Variants in CD300C observed in about 807,000 individuals in gnomAD.
CD300C encodes CD300c molecule, also known as CMRF35-like molecule 6.
CD300C carries 11 observed loss-of-function variants against 18.4 expected under a neutral mutation model. That is an observed-to-expected ratio of 0.60 (90% CI 0.38 to 0.99). The LOEUF (loss-of-function observed/expected upper bound fraction) is 0.99, where lower values mean the gene tolerates loss of function less well. Among genes scored for constraint, CD300C ranks in the 50% least tolerant of loss-of-function variants. The pLI is 0.01. For synonymous variants in CD300C, 116 were observed against 116.3 expected (o/e 1.00, Z 0.02); for missense variants, 277 against 287.4 (o/e 0.96, Z 0.26).
chr17:74,536,229 A>G (rs1303131587), downstream of CD300C, among the ~76,000 whole-genome samples: 1 of 152,204 alleles, frequency 6.6e-6, no homozygotes, highest in Non-Finnish European at 1.5e-5. Context: ...CTCAAAAGAT[A>G]TCATAAAGCC....
chr17:74,537,339 T>G (rs560686461), downstream of CD300C, among the ~76,000 whole-genome samples: 1 of 152,326 alleles, frequency 6.6e-6, no homozygotes, highest in South Asian at 2.1e-4. Flanking sequence ...CACATCAACA[T>G]GGATGAATCT....
At chr17:74,545,279 T>TGTGTGACTGTGTGTGCATGTGA (rs1379086723) in intron 1 of CD300C, among the ~76,000 whole-genome samples, 1 of 151,486 alleles carries the variant, frequency 6.6e-6, no homozygotes, top group Non-Finnish European at 1.5e-5. Flanking sequence ...TGTGTGTGCA[T>TGTGTGACTGTGTGTGCATGTGA]GTGTGACTGT....
chr17:74,543,063 T>G (rs1908615622), intron 2 of CD300C, 76 bp from the exon 3 acceptor site: 86 of 1,579,002 alleles, frequency 5.4e-5, no homozygotes, highest in Non-Finnish European at 7.3e-5. Context: ...CTGCTCCAAT[T>G]TTCACAGACA....
Position 74,546,007 on chromosome 17 carries a change from T to C in CD300C, c.-225A>G, listed in dbSNP as rs958239824. On this transcript the variant is annotated 5_prime_UTR_variant, in exon 1 of 4. Transcript: ENST00000330793. ...GCTGACAGCTCTGGGATGGTGCTAGTGGCTCCTCTCAACCCTGACGTCTGG... is the reference window on the plus strand; with the variant it reads ...GCTGACAGCTCTGGGATGGTGCTAGCGGCTCCTCTCAACCCTGACGTCTGG... 4 of 536,298 alleles carry C rather than the reference T, an allele frequency of 7.5e-6. No homozygotes were observed. Among genetic ancestry groups the C allele is most frequent in the Non-Finnish European group, 3.4e-6 (1 of 295,976 alleles). 33.2% of individuals were successfully genotyped at this position (536,298 alleles called of 1,614,324 possible). A position where few individuals can be genotyped will look rare whatever the true frequency, so the allele number is the denominator to read the frequency against.
At chr17:74,545,423 T>C (rs1012681595) in intron 1 of CD300C, among the ~76,000 whole-genome samples, 1 of 152,036 alleles carries the variant, frequency 6.6e-6, no homozygotes, top group Non-Finnish European at 1.5e-5. Flanking sequence ...AGTGTGACTG[T>C]GTGTGTGATC....
chr17:74,541,367 C>A lies in CD300C; in HGVS notation c.*222G>T. ...TGCTGACGGCCCGAGGCTTAGCTGG[C>A]CGGGGCGTGCACATGAGACGTGGAC... is the stretch of plus-strand genomic sequence containing the variant. On this transcript the variant is annotated 3_prime_UTR_variant, in exon 4 of 4. Transcript: ENST00000330793. 1 of 499,202 alleles carries A rather than the reference C, an allele frequency of 2.0e-6. No homozygotes were observed. The highest frequency in any genetic ancestry group is 2.3e-5 in the South Asian group (1 of 43,168). 30.9% of individuals were successfully genotyped at this position (499,202 alleles called of 1,614,324 possible). A position where few individuals can be genotyped will look rare whatever the true frequency, so the allele number is the denominator to read the frequency against.
chr17:74,536,302 A>G (rs547146211), downstream of CD300C, among the ~76,000 whole-genome samples: 48 of 152,252 alleles, frequency 3.2e-4, no homozygotes, highest in South Asian at 9.7e-3. Flanking sequence ...AAGAACTTCT[A>G]CCAATTGGAT....
In CD300C at chr17:74,541,538, G is replaced by T; in HGVS notation, c.*51C>A. 1 of 1,319,058 alleles carries T rather than the reference G, an allele frequency of 7.6e-7. No homozygotes were observed. Among genetic ancestry groups the T allele is most frequent in the Non-Finnish European group, 1.1e-6 (1 of 911,700 alleles). 81.7% of individuals were successfully genotyped at this position (1,319,058 alleles called of 1,614,324 possible). A position where few individuals can be genotyped will look rare whatever the true frequency, so the allele number is the denominator to read the frequency against. ...AGGGAGTGGTCAGGAGGTCATTCCA[G>T]TCCCCCAGAGGGGCTCTGTTGCAGC... On this transcript the variant is annotated 3_prime_UTR_variant, in exon 4 of 4. Transcript: ENST00000330793.
Position 74,545,717 on chromosome 17 carries a change from C to G in CD300C, c.61+5G>C. 6.2e-7 allele frequency: 1 copy of G among 1,606,740 alleles called. No individual in the cohort carries two copies. Among genetic ancestry groups the G allele is most frequent in the Non-Finnish European group, 8.5e-7 (1 of 1,176,978 alleles). ...GCTCCCCAAGTCCAGGGTCGGCCCACTCACCTGGGACAAGCAGGAGGAGCA... is the reference window on the plus strand; with the variant it reads ...GCTCCCCAAGTCCAGGGTCGGCCCAGTCACCTGGGACAAGCAGGAGGAGCA... On this transcript the variant is annotated splice_donor_5th_base_variant and intron_variant, in intron 1 of 3. Coordinates refer to ENST00000330793, the MANE Select transcript of CD300C (RefSeq NM_006678.5).
chr17:74,542,284 G>T (rs908511525), intron 3 of CD300C, among the ~76,000 whole-genome samples: 21 of 152,158 alleles, frequency 1.4e-4, no homozygotes, highest in African/African-American at 5.1e-4. Context: ...TCTGGCCAGG[G>T]CTGCGAGAGA....
At chr17:74,536,508 G>C (rs1908380446), downstream of CD300C, among the ~76,000 whole-genome samples, 1 of 146,462 alleles carries the variant, frequency 6.8e-6, no homozygotes, top group Non-Finnish European at 1.5e-5. Flanking sequence ...ACTCCAGCCT[G>C]GGCAACAGAG....
downstream of CD300C, among the ~76,000 whole-genome samples, chr17:74,537,052 AAAG>A (rs575931132): frequency 6.0e-5 from 8 of 133,040 alleles, no homozygotes; most frequent in East Asian, 2.1e-4. Flanking sequence ...GGAAAAGAAA[AAAG>A]AAGAAAAGGA....
downstream of CD300C, among the ~76,000 whole-genome samples, chr17:74,540,229 C>T (rs1322229679): frequency 6.6e-6 from 1 of 152,180 alleles, no homozygotes; most frequent in Admixed American, 6.5e-5. Flanking sequence ...GCGCTCACCC[C>T]CCTCCTTTCT....
chr17:74,543,553 G>A (rs1000343895), intron 2 of CD300C, among the ~76,000 whole-genome samples: 10 of 152,300 alleles, frequency 6.6e-5, no homozygotes, highest in African/African-American at 1.4e-4. Flanking sequence ...CCTGGGCGGC[G>A]GCCCGTGGTG....
chr17:74,545,787 G>A lies in CD300C; in HGVS notation c.-5C>T. 1 of 1,604,772 alleles carries A rather than the reference G, an allele frequency of 6.2e-7. No homozygotes were observed. Among genetic ancestry groups the A allele is most frequent in the Non-Finnish European group, 8.5e-7 (1 of 1,176,100 alleles). ...GGCCCAGGCCCTGGCAGTCATTCCT[G>A]TAACACGAATGTCACCTGCCACTGT... On this transcript the variant is annotated 5_prime_UTR_variant, in exon 1 of 4. Transcript: ENST00000330793.
chr17:74,540,952 C>T (rs138007327), downstream of CD300C, among the ~76,000 whole-genome samples: 259 of 152,264 alleles, frequency 1.7e-3, no homozygotes, highest in African/African-American at 5.8e-3. Context: ...AATAGTCAGG[C>T]TTTGGGGGAA....
At chr17:74,539,152 G>A (rs149759136), downstream of CD300C, among the ~76,000 whole-genome samples, 106 of 152,208 alleles carry the variant, frequency 7.0e-4, no homozygotes, top group African/African-American at 2.4e-3. Flanking sequence ...ACAGATTTCC[G>A]TTCCTTTCTT....
downstream of CD300C, among the ~76,000 whole-genome samples, chr17:74,537,706 C>A (rs973228871): frequency 4.6e-5 from 7 of 151,476 alleles, no homozygotes; most frequent in Non-Finnish European, 1.0e-4. Context: ...ACAGAAAGTT[C>A]AAAAATAAAC....
chr17:74,536,821 T>C (rs1908391428), downstream of CD300C, among the ~76,000 whole-genome samples: 2 of 152,226 alleles, frequency 1.3e-5, no homozygotes, highest in South Asian at 4.1e-4. Context: ...TAGAGCTGAT[T>C]ACACACATGC....
Sources: gnomAD v4.1 joint callset for allele counts (sites outside exome capture counted in the v4.1 genomes callset) on GRCh38, gnomAD v4.1.1 for gene constraint, MANE v1.5 for transcripts, NCBI Gene and HGNC (gene_info 2026-07-23, HGNC 2026-07-21) for gene names.